Variants in TMTC2 observed in about 807,000 individuals in gnomAD.
TMTC2 encodes the protein protein O-mannosyl-transferase TMTC2.
Under a neutral mutation model 82.4 loss-of-function variants are expected in TMTC2, and 43 were observed. The ratio of observed to expected loss-of-function variants is 0.52; its 90% CI spans 0.41 to 0.67. The LOEUF (loss-of-function observed/expected upper bound fraction) is 0.67. Ranked by LOEUF, TMTC2 falls within the 30% of genes least tolerant of loss-of-function variation. TMTC2 has a pLI of 0.00. For synonymous variants in TMTC2, 408 were observed against 381.9 expected (o/e 1.07, Z -0.80); for missense variants, 919 against 1,012.4 (o/e 0.91, Z 1.25).
At chr12:83,078,395 C>G (rs1883359478) in intron 11 of TMTC2, among the ~76,000 whole-genome samples, 1 of 152,140 alleles carries the variant, frequency 6.6e-6, no homozygotes, top group East Asian at 1.9e-4. Flanking sequence ...AACAGCTGCT[C>G]TTTATTCCTT....
At chr12:83,057,499 A>G (rs911016995) in intron 10 of TMTC2, among the ~76,000 whole-genome samples, 1 of 152,098 alleles carries the variant, frequency 6.6e-6, no homozygotes, top group Admixed American at 6.6e-5. Flanking sequence ...TTACATATGT[A>G]TGACTCTGGT....
At chr12:82,717,943 T>C (rs1444462575) in intron 1 of TMTC2, among the ~76,000 whole-genome samples, 1 of 152,082 alleles carries the variant, frequency 6.6e-6, no homozygotes. Context: ...TAAAAAGGAG[T>C]TGGCAACAGT....
chr12:82,937,766 A>ATATATATGTGTG, intron 4 of TMTC2, among the ~76,000 whole-genome samples: 1 of 20,748 alleles, frequency 4.8e-5, no homozygotes, highest in African/African-American at 1.5e-4. Context: ...ATATATATAT[A>ATATATATGTGTG]TATATATATA....
intron 1 of TMTC2, among the ~76,000 whole-genome samples, chr12:82,811,936 TC>T (rs1270808007): frequency 2.7e-5 from 4 of 150,422 alleles, no homozygotes; most frequent in African/African-American, 9.8e-5. Context: ...CCTGCTTCAG[TC>T]CCCCCGAGCA....
chr12:83,026,907 T>C (rs1250002777), intron 8 of TMTC2, among the ~76,000 whole-genome samples: 1 of 152,098 alleles, frequency 6.6e-6, no homozygotes, highest in East Asian at 1.9e-4. Context: ...TCAATTAGCT[T>C]AATACTGATC....
intron 1 of TMTC2, among the ~76,000 whole-genome samples, chr12:82,831,084 G>A (rs1283151283): frequency 6.6e-6 from 1 of 152,194 alleles, no homozygotes; most frequent in Admixed American, 6.5e-5. Context: ...TATTTGTTCT[G>A]GGTGATAGGA....
intron 1 of TMTC2, among the ~76,000 whole-genome samples, chr12:82,713,341 A>C (rs1212059802): frequency 1.3e-5 from 2 of 152,106 alleles, no homozygotes; most frequent in Admixed American, 6.6e-5. Context: ...ACAAAAAAAA[A>C]CAAAAACAAA....
chr12:82,937,746 GTGTGTATATATATATATATA>G (rs1285524960), intron 4 of TMTC2, among the ~76,000 whole-genome samples: 3 of 60,332 alleles, frequency 5.0e-5, no homozygotes, highest in African/African-American at 2.4e-4. Context: ...GTGTGTGTGT[GTGTGTATATATATATATATA>G]TATATATATA....
intron 1 of TMTC2, among the ~76,000 whole-genome samples, chr12:82,718,633 G>A (rs1214749637): frequency 6.6e-6 from 1 of 152,170 alleles, no homozygotes; most frequent in Non-Finnish European, 1.5e-5. Flanking sequence ...TTTTTCTTAT[G>A]TGTAGGTTGA....
At chr12:82,808,628 C>T (rs1879348914) in intron 1 of TMTC2, among the ~76,000 whole-genome samples, 1 of 151,966 alleles carries the variant, frequency 6.6e-6, no homozygotes, top group African/African-American at 2.4e-5. Flanking sequence ...GCCAGGAGGC[C>T]CTCTATTGGT....
At chr12:82,947,034 A>G (rs1045752160) in intron 4 of TMTC2, among the ~76,000 whole-genome samples, 5 of 151,148 alleles carry the variant, frequency 3.3e-5, no homozygotes, top group Admixed American at 6.6e-5. Context: ...GAGCCACCGC[A>G]CCCGGCCCAG....
At chr12:83,008,586 T>A (rs1437043535) in intron 8 of TMTC2, among the ~76,000 whole-genome samples, 3 of 152,238 alleles carry the variant, frequency 2.0e-5, no homozygotes, top group Non-Finnish European at 4.4e-5. Context: ...TATTGTAAGT[T>A]CTCTGTCAAT....
intron 8 of TMTC2, among the ~76,000 whole-genome samples, chr12:83,026,741 T>A (rs904249592): frequency 8.8e-5 from 13 of 148,414 alleles, no homozygotes; most frequent in Admixed American, 6.7e-4. Context: ...TGTGTGTGTG[T>A]GAAAATACGT....
In TMTC2 at chr12:83,030,881, T is replaced by C; in HGVS notation, c.2152+2T>C. On this transcript the variant is annotated splice_donor_variant, in intron 9 of 11. Coordinates refer to ENST00000321196, the MANE Select transcript of TMTC2 (RefSeq NM_152588.3). LOFTEE classifies it high-confidence loss of function. ...AAGGAAACTGTTACATGCATTATGG[T>C]GAGTGGTTGATAGTTTTTTTTCCAT... 6.2e-7 allele frequency: 1 copy of C among 1,609,266 alleles called. No individual in the cohort carries two copies. Among genetic ancestry groups the C allele is most frequent in the African/African-American group, 1.3e-5 (1 of 74,946 alleles).
chr12:82,753,218 G>A (rs914341163), intron 1 of TMTC2, among the ~76,000 whole-genome samples: 16 of 152,008 alleles, frequency 1.1e-4, no homozygotes, highest in East Asian at 5.8e-4. Context: ...GTCATTCTCC[G>A]TAGGTGAGCT....
chr12:82,949,987 G>A (rs7953974), intron 4 of TMTC2, among the ~76,000 whole-genome samples: 144,771 of 152,286 alleles, frequency 0.95, 68,854 homozygotes, highest in East Asian at 1. Flanking sequence ...GTTGGGAAGT[G>A]CATGTATAAA....
At chr12:82,893,384 A>G (rs1873498915) in intron 2 of TMTC2, among the ~76,000 whole-genome samples, 1 of 131,650 alleles carries the variant, frequency 7.6e-6, no homozygotes, top group Non-Finnish European at 1.5e-5. Context: ...AAAAAAAAAA[A>G]GAAAAGAAAA....
intron 1 of TMTC2, among the ~76,000 whole-genome samples, chr12:82,763,010 GTTAA>G (rs1876734795): frequency 6.6e-6 from 1 of 151,886 alleles, no homozygotes; most frequent in African/African-American, 2.4e-5. Context: ...TAAATAATTA[GTTAA>G]TTAATTTTTT....
At chr12:82,764,229 C>A (rs1476540225) in intron 1 of TMTC2, among the ~76,000 whole-genome samples, 1 of 152,144 alleles carries the variant, frequency 6.6e-6, no homozygotes, top group Non-Finnish European at 1.5e-5. Flanking sequence ...CCTCCGCCTC[C>A]CGGGTTCAAG....
Sources: gnomAD v4.1 joint callset for allele counts (sites outside exome capture counted in the v4.1 genomes callset) on GRCh38, gnomAD v4.1.1 for gene constraint, MANE v1.5 for transcripts, NCBI Gene and HGNC (gene_info 2026-07-23, HGNC 2026-07-21) for gene names.